OPHN1: variants seen among roughly 807,000 people sequenced by gnomAD.
OPHN1 encodes oligophrenin-1.
OPHN1 carries 11 observed loss-of-function variants against 60.7 expected under a neutral mutation model. That is an observed-to-expected ratio of 0.18 (90% CI 0.11 to 0.30). The LOEUF is 0.30. Ranked by LOEUF, OPHN1 falls within the 10% of genes least tolerant of loss-of-function variation. OPHN1 has a pLI of 1.00. For missense variants in OPHN1, 449 were observed against 611.0 expected, an observed-to-expected ratio of 0.73 and a Z score of 2.80; for synonymous variants, 226 against 222.6, an observed-to-expected ratio of 1.02 and a Z score of -0.14.
At chrX:68,414,400 AT>A (rs1220882448) in intron 2 of OPHN1, among the ~76,000 whole-genome samples, 1 of 111,733 alleles carries the variant, frequency 8.9e-6, no homozygotes, top group Non-Finnish European at 1.9e-5. Flanking sequence ...ATGCACTCAT[AT>A]TCCTTTTCTC....
rs150086331 is a variant in OPHN1, at chrX:68,251,368, T to C, written c.385-16780A>G. ...ACCCAGTTAATTTTTGTATTTTTAG[T>C]AGAGACGGGATTTCACCATGTTGGC... On this transcript the variant is annotated intron_variant, in intron 5 of 24. Transcript: ENST00000355520. Among the ~76,000 whole-genome samples the C allele has an allele frequency of 8.4e-3, 915 of 108,366 alleles. 4 individuals carry two copies. The highest frequency in any genetic ancestry group is 0.021 in the African/African-American group (626 of 29,705). The allele number at this position is 108,366 out of a possible 115,157, so 94.1% of individuals were successfully genotyped here.
intron 15 of OPHN1, among the ~76,000 whole-genome samples, chrX:68,144,893 G>A (rs770497584): frequency 6.3e-5 from 7 of 111,843 alleles, no homozygotes; most frequent in South Asian, 3.7e-4. Context: ...TTCATGACTC[G>A]TAACTAAATG....
intron 2 of OPHN1, among the ~76,000 whole-genome samples, chrX:68,422,528 A>C (rs1476718845): frequency 9.8e-6 from 1 of 102,404 alleles, no homozygotes; most frequent in Admixed American, 1.1e-4. Context: ...AAAGAAAAAG[A>C]AAGAAAGAAG....
chrX:68,068,966 T>C (rs1264567571), intron 20 of OPHN1, among the ~76,000 whole-genome samples: 1 of 112,331 alleles, frequency 8.9e-6, no homozygotes, highest in Non-Finnish European at 1.9e-5. Flanking sequence ...TCTGGGATGA[T>C]GAATATGTTC....
At chrX:68,399,426 G>T (rs768828800) in intron 2 of OPHN1, among the ~76,000 whole-genome samples, 1 of 111,848 alleles carries the variant, frequency 8.9e-6, no homozygotes, top group Non-Finnish European at 1.9e-5. Context: ...TGAGGTGGGC[G>T]GATCACTTGA....
intron 2 of OPHN1, among the ~76,000 whole-genome samples, chrX:68,363,035 GTCAAGAGT>G (rs1400844886): frequency 5.4e-5 from 6 of 110,309 alleles, no homozygotes; most frequent in African/African-American, 1.6e-4. Flanking sequence ...ATCACTTGAG[GTCAAGAGT>G]TCAAGACCAG....
Position 68,044,140 on chromosome X carries a change from A to G in OPHN1, c.*3032T>C, listed in dbSNP as rs2076825046. The stretch of plus-strand genomic sequence containing the variant: ...CTTCCAGCCCAGTTTGCATTTCCAT[A>G]TAAACTGAACCTGCACCCCCTCCCT... On this transcript the variant is annotated 3_prime_UTR_variant, in exon 25 of 25. Coordinates refer to ENST00000355520, the MANE Select transcript of OPHN1 (RefSeq NM_002547.3). 3 of 112,504 alleles carry G rather than the reference A, an allele frequency of 2.7e-5. No individual in the cohort carries two copies. Among genetic ancestry groups the G allele is most frequent in the African/African-American group, 9.7e-5 (3 of 30,955 alleles). The allele number at this position is 112,504 out of a possible 1,213,427, so 9.3% of individuals were successfully genotyped here.
At chrX:68,216,822 C>T (rs926478725) in intron 6 of OPHN1, among the ~76,000 whole-genome samples, 9 of 111,372 alleles carry the variant, frequency 8.1e-5, no homozygotes, top group African/African-American at 2.0e-4. Context: ...AGTGGGCAAA[C>T]GACATGAACA....
chrX:68,065,540 G>A (rs951450570), intron 20 of OPHN1, among the ~76,000 whole-genome samples: 2 of 111,562 alleles, frequency 1.8e-5, no homozygotes, highest in South Asian at 3.8e-4. Context: ...GGAATTCTTC[G>A]CAATAAAATG....
At chrX:68,292,588 C>T (rs1487462021) in intron 3 of OPHN1, among the ~76,000 whole-genome samples, 1 of 111,324 alleles carries the variant, frequency 9.0e-6, no homozygotes, top group Non-Finnish European at 1.9e-5. Flanking sequence ...TAATCTGATG[C>T]TTCCCTGAAA....
intron 3 of OPHN1, among the ~76,000 whole-genome samples, chrX:68,292,716 G>A (rs1370281773): frequency 9.0e-6 from 1 of 111,150 alleles, no homozygotes; most frequent in Admixed American, 9.7e-5. Flanking sequence ...ATATGACTTC[G>A]AGTCATGGAG....
chrX:68,330,393 G>A (rs764122583), intron 2 of OPHN1, among the ~76,000 whole-genome samples: 1 of 111,186 alleles, frequency 9.0e-6, no homozygotes, highest in African/African-American at 3.3e-5. Context: ...CACAGCGCTC[G>A]GCCAGTTTTC....
At chrX:68,157,058 T>C (rs916355604) in intron 15 of OPHN1, among the ~76,000 whole-genome samples, 3 of 112,146 alleles carry the variant, frequency 2.7e-5, no homozygotes, top group African/African-American at 9.7e-5. Flanking sequence ...GGACGACTTT[T>C]TGGAGTTGTG....
intron 2 of OPHN1, among the ~76,000 whole-genome samples, chrX:68,360,436 C>T (rs2078466465): frequency 9.0e-6 from 1 of 111,051 alleles, no homozygotes; most frequent in African/African-American, 3.3e-5. Flanking sequence ...TTAAGCAGTC[C>T]TCCCACCTCA....
At chrX:68,063,209 C>A (rs759295571) in intron 21 of OPHN1, among the ~76,000 whole-genome samples, 2,274 of 102,710 alleles carry the variant, frequency 0.022, 26 homozygotes, top group Non-Finnish European at 0.031. Flanking sequence ...AACAAACAAA[C>A]AAAAAAAAAA....
At chrX:68,295,885 A>G (rs148530453) in intron 3 of OPHN1, among the ~76,000 whole-genome samples, 253 of 112,162 alleles carry the variant, frequency 2.3e-3, no homozygotes, top group Middle Eastern at 4.6e-3. Flanking sequence ...GGCCCTCTGC[A>G]CATATAATGT....
At chrX:68,317,376 A>AAAGAAAGGAAGGAAGG (rs1555970490) in intron 2 of OPHN1, among the ~76,000 whole-genome samples, 45 of 50,576 alleles carry the variant, frequency 8.9e-4, no homozygotes, top group African/African-American at 3.3e-3. Flanking sequence ...AGAAAGAAAG[A>AAAGAAAGGAAGGAAGG]AAGGAAGGAA....
chrX:68,082,992 C>T (rs11796564), intron 19 of OPHN1, among the ~76,000 whole-genome samples: 54,903 of 105,058 alleles, frequency 0.52, 12,277 homozygotes, highest in South Asian at 0.68. Flanking sequence ...CTTCACCTTG[C>T]ACTTTTATGT....
chrX:68,300,085 G>A (rs1392727930), intron 2 of OPHN1, among the ~76,000 whole-genome samples: 2 of 112,149 alleles, frequency 1.8e-5, no homozygotes, highest in African/African-American at 6.5e-5. Context: ...AAGCTAACCT[G>A]TTAGACCATG....
Sources: gnomAD v4.1 joint callset for allele counts (sites outside exome capture counted in the v4.1 genomes callset) on GRCh38, gnomAD v4.1.1 for gene constraint, MANE v1.5 for transcripts, NCBI Gene and HGNC (gene_info 2026-07-23, HGNC 2026-07-21) for gene names.